The following SAMM50 variants were observed in gnomAD, a reference collection of about 807,000 sequenced individuals.
The protein encoded by SAMM50 is sorting and assembly machinery component 50 homolog.
In SAMM50, 47 loss-of-function variants were observed where a neutral mutation model predicts 66.9. The observed-to-expected ratio is 0.70, with a 90% CI of 0.56 to 0.90. The LOEUF is 0.90. SAMM50 is among the 40% of genes least tolerant of loss of function. SAMM50 has a pLI of 0.00. For missense variants in SAMM50, 535 were observed against 595.3 expected (o/e 0.90, Z 1.05); for synonymous variants, 191 against 214.1 (o/e 0.89, Z 0.94).
chr22:43,996,304 C>G lies in SAMM50; in HGVS notation c.1365-34C>G, dbSNP rs775835878. On this transcript the variant is annotated intron_variant, in intron 14 of 14. Coordinates refer to ENST00000350028, the MANE Select transcript of SAMM50 (RefSeq NM_015380.5). ...CGTGAAGATGGCAGGGCTGGCGGAG[C>G]GGCCGCCGCATCTGATCTCTCCCCT... 12 of 1,612,414 alleles carry G rather than the reference C, an allele frequency of 7.4e-6. No individual in the cohort carries two copies. The Admixed American group carries it at 2.0e-4, about 27-fold the overall frequency.
chr22:43,987,969 T>C (rs972674026), intron 12 of SAMM50: 2 of 152,140 alleles, frequency 1.3e-5, no homozygotes, highest in Non-Finnish European at 2.9e-5. Context: ...GCTTGCTTAT[T>C]TGGTTTTACA....
intron 1 of SAMM50, among the ~76,000 whole-genome samples, chr22:43,956,651 C>A (rs1346728770): frequency 6.6e-6 from 1 of 152,170 alleles, no homozygotes; most frequent in Non-Finnish European, 1.5e-5. Context: ...CCATCTCCTT[C>A]AGGAGTTTGG....
chr22:43,980,879 T>C (rs922155035), intron 10 of SAMM50, among the ~76,000 whole-genome samples: 2 of 152,242 alleles, frequency 1.3e-5, no homozygotes, highest in Admixed American at 6.5e-5. Flanking sequence ...GACTGGCTAC[T>C]GCCTCCTGCC....
chr22:43,992,327 C>G (rs1001053774), intron 14 of SAMM50, among the ~76,000 whole-genome samples: 10 of 152,256 alleles, frequency 6.6e-5, no homozygotes, highest in Non-Finnish European at 1.2e-4. Flanking sequence ...GGAATCTGCT[C>G]CTTACACTCT....
intron 7 of SAMM50, 113 bp from the exon 8 acceptor site, chr22:43,975,940 TAA>T (rs139412613): frequency 9.3e-7 from 1 of 1,073,908 alleles, no homozygotes; most frequent in Non-Finnish European, 1.3e-6. Context: ...CTCTCATCAT[TAA>T]AAAAAATTAG....
intron 11 of SAMM50, among the ~76,000 whole-genome samples, chr22:43,982,729 G>A (rs979362882): frequency 1.3e-4 from 20 of 152,260 alleles, no homozygotes; most frequent in Admixed American, 9.8e-4. Context: ...TCTACCTCCC[G>A]GGTTCAAGCT....
rs71313377 is a variant in SAMM50 at position 43,978,432 on chromosome 22, CAA to C, written c.936+494_936+495del. On this transcript the variant is annotated intron_variant, in intron 10 of 14. Coordinates refer to ENST00000350028, the MANE Select transcript of SAMM50 (RefSeq NM_015380.5). The stretch of plus-strand genomic sequence containing the variant: ...CCTGGGTGACAGAGAGACTCCTTCT[CAA>C]AAAAAAAAAAAAAAAAAAAGTAACC... Among the ~76,000 whole-genome samples, 43 of 69,118 alleles carry C rather than the reference CAA, an allele frequency of 6.2e-4. 1 individual carries two copies. The South Asian group carries it at 0.025, about 41-fold the overall frequency. The allele number at this position is 69,118 out of a possible 152,430, so 45.3% of individuals were successfully genotyped here. A position where few individuals can be genotyped will look rare whatever the true frequency, so the allele number is the denominator to read the frequency against.
chr22:43,959,019 T>C (rs2050134716), intron 1 of SAMM50, among the ~76,000 whole-genome samples: 3 of 21,760 alleles, frequency 1.4e-4, no homozygotes, highest in East Asian at 0.014. Flanking sequence ...TTCAGTTTTC[T>C]TTTTTTTTTT....
rs1453221343 is a variant in SAMM50, at chr22:43,977,855, G to A, written c.850-17G>A. ...AGTCTGTTTGCTCCCTTTGACCTGA[G>A]TGCTCCTTCCCTGCAGGAACTGGCA... On this transcript the variant is annotated splice_polypyrimidine_tract_variant and intron_variant, in intron 9 of 14. Coordinates refer to ENST00000350028, the MANE Select transcript of SAMM50 (RefSeq NM_015380.5). The A allele has an allele frequency of 6.3e-7, 1 of 1,595,492 alleles. No individual in the cohort carries two copies. The highest frequency in any genetic ancestry group is 1.7e-5 in the Admixed American group (1 of 59,856).
chr22:43,958,574 G>A (rs953154309), intron 1 of SAMM50, among the ~76,000 whole-genome samples: 1 of 146,232 alleles, frequency 6.8e-6, no homozygotes, highest in African/African-American at 2.6e-5. Context: ...TGCCTCCCGG[G>A]TTCAAGTGAT....
At chr22:43,977,347 C>T (rs763776703) in intron 9 of SAMM50, among the ~76,000 whole-genome samples, 2 of 152,094 alleles carry the variant, frequency 1.3e-5, no homozygotes, top group Non-Finnish European at 2.9e-5. Context: ...AGTGAGGAGC[C>T]CACCTTGGTG....
chr22:43,962,733 C>T (rs1330594627), intron 1 of SAMM50, among the ~76,000 whole-genome samples: 1 of 151,960 alleles, frequency 6.6e-6, no homozygotes, highest in Non-Finnish European at 1.5e-5. Flanking sequence ...AATTATTTTC[C>T]TTTTTTCCCC....
chr22:43,959,938 A>G (rs916873059), intron 1 of SAMM50, among the ~76,000 whole-genome samples: 1 of 152,210 alleles, frequency 6.6e-6, no homozygotes, highest in Non-Finnish European at 1.5e-5. Flanking sequence ...ATGAATAGGT[A>G]TAAGAGGTTG....
chr22:43,960,455 G>A lies in SAMM50; in HGVS notation c.22-2831G>A, dbSNP rs558448129. On this transcript the variant is annotated intron_variant, in intron 1 of 14. Coordinates refer to ENST00000350028, the MANE Select transcript of SAMM50 (RefSeq NM_015380.5). ...GATAAAAATAAGAAACAGGTCAGGC[G>A]CAGTGGTTCACGCCTGTAATCCCAG... Among the ~76,000 whole-genome samples the A allele has an allele frequency of 3.9e-5, 6 of 152,230 alleles. No homozygotes were observed. The South Asian group carries it at 6.2e-4, about 16-fold the overall frequency.
intron 12 of SAMM50, among the ~76,000 whole-genome samples, chr22:43,984,949 C>T (rs1300900836): frequency 6.6e-6 from 1 of 151,940 alleles, no homozygotes; most frequent in East Asian, 1.9e-4. Flanking sequence ...TATTTTTAAA[C>T]CCATTTCTCT....
intron 10 of SAMM50, among the ~76,000 whole-genome samples, chr22:43,980,195 C>A (rs1457428716): frequency 4.4e-4 from 1 of 2,276 alleles, no homozygotes; most frequent in Non-Finnish European, 9.0e-4. Context: ...CATCCATCCA[C>A]CAGTCTAACA....
chr22:43,959,758 G>A (rs1400734864), intron 1 of SAMM50, among the ~76,000 whole-genome samples: 5 of 152,136 alleles, frequency 3.3e-5, no homozygotes, highest in African/African-American at 4.8e-5. Flanking sequence ...TACATTCTAT[G>A]AGGGTGAGGT....
At chr22:43,990,980 A>T (rs1283724907) in intron 14 of SAMM50, among the ~76,000 whole-genome samples, 2 of 148,642 alleles carry the variant, frequency 1.3e-5, no homozygotes, top group South Asian at 2.1e-4. Flanking sequence ...ATTGTGTAAA[A>T]TTTTTTTTTT....
At chr22:43,966,937 C>T (rs201504672) in intron 3 of SAMM50, among the ~76,000 whole-genome samples, 1 of 151,974 alleles carries the variant, frequency 6.6e-6, no homozygotes, top group Admixed American at 6.6e-5. Flanking sequence ...GAAATGATCG[C>T]TTTGTAGCCT....
Sources: allele counts gnomAD v4.1 joint callset (sites outside exome capture counted in the v4.1 genomes callset), GRCh38; gene constraint gnomAD v4.1.1; transcripts MANE v1.5; gene names NCBI Gene and HGNC (gene_info 2026-07-23, HGNC 2026-07-21).